The following GDA variants were observed in gnomAD, a reference collection of about 807,000 sequenced individuals.
GDA encodes guanine deaminase, also known as cytoplasmic PSD-95 interactor.
A neutral mutation model predicts 59.6 loss-of-function variants in GDA; 18 were observed. The ratio of observed to expected loss-of-function variants is 0.30; its 90% CI spans 0.21 to 0.45. The LOEUF is 0.45. GDA is among the 20% of genes least tolerant of loss of function. The pLI is 1.00. For missense variants in GDA, 427 were observed against 552.3 expected, an observed-to-expected ratio of 0.77 and a Z score of 2.27; for synonymous variants, 201 against 201.1, an observed-to-expected ratio of 1.00 and a Z score of 0.00.
intron 1 of GDA, among the ~76,000 whole-genome samples, chr9:72,127,334 G>A (rs995043606): frequency 6.6e-6 from 1 of 152,182 alleles, no homozygotes; most frequent in South Asian, 2.1e-4. Flanking sequence ...GAACCAAAAG[G>A]ATCTGAAAGA....
intron 2 of GDA, among the ~76,000 whole-genome samples, chr9:72,196,233 C>T (rs1335969450): frequency 6.6e-6 from 1 of 151,860 alleles, no homozygotes; most frequent in African/African-American, 2.4e-5. Context: ...GTAATCCTAG[C>T]ACTTTGGGAG....
At chr9:72,186,961 C>T (rs1423577395) in intron 1 of GDA, among the ~76,000 whole-genome samples, 1 of 152,194 alleles carries the variant, frequency 6.6e-6, no homozygotes. Flanking sequence ...TCTACCTCTG[C>T]CTGTCTTAAC....
At chr9:72,163,937 G>C (rs1250070049) in intron 1 of GDA, among the ~76,000 whole-genome samples, 1 of 152,172 alleles carries the variant, frequency 6.6e-6, no homozygotes, top group African/African-American at 2.4e-5. Context: ...TTTGTTCCCT[G>C]AGTGCTTTTA....
In GDA at chr9:72,150,268, T is replaced by G. The variant is rs181575823; in HGVS notation, c.123+586T>G. On this transcript the variant is annotated intron_variant, in intron 1 of 13. Transcript: ENST00000358399. ...ACTAGAAGGGATGGTCCGAAAGAAA[T>G]AATTCATCCATCTCTTTTCCTTCCT... Among the ~76,000 whole-genome samples the G allele has an allele frequency of 2.6e-4, 40 of 151,962 alleles. No individual in the cohort carries two copies. The East Asian group carries it at 7.8e-3, about 29-fold the overall frequency.
chr9:72,149,366 G>A, upstream of GDA: 1 of 568,436 alleles, frequency 1.8e-6, no homozygotes, highest in African/African-American at 2.0e-5. Flanking sequence ...AATCCTATTG[G>A]CATTGAGGAG....
chr9:72,218,702 C>T (rs559223500), intron 5 of GDA, among the ~76,000 whole-genome samples: 80 of 152,304 alleles, frequency 5.3e-4, no homozygotes, highest in Non-Finnish European at 1.1e-3. Context: ...CCCAAGAGAA[C>T]TCTACCCTTG....
At chr9:72,211,950 T>A (rs1412541335) in intron 4 of GDA, among the ~76,000 whole-genome samples, 2 of 152,196 alleles carry the variant, frequency 1.3e-5, no homozygotes, top group Admixed American at 6.5e-5. Context: ...AAGATTAATC[T>A]AATGGCCAGT....
chr9:72,229,362 AAAACAAAC>A (rs141650078), intron 9 of GDA, among the ~76,000 whole-genome samples: 4 of 151,906 alleles, frequency 2.6e-5, no homozygotes, highest in East Asian at 1.9e-4. Flanking sequence ...AAAACAAAAC[AAAACAAAC>A]AAACAAACAA....
intron 1 of GDA, among the ~76,000 whole-genome samples, chr9:72,162,325 C>G (rs1204808058): frequency 6.6e-6 from 1 of 152,188 alleles, no homozygotes; most frequent in African/African-American, 2.4e-5. Context: ...GATCAGTATA[C>G]AGTTTCTAAA....
intron 1 of GDA, among the ~76,000 whole-genome samples, chr9:72,137,253 T>TC (rs1457016183): frequency 5.9e-5 from 8 of 134,572 alleles, no homozygotes; most frequent in Non-Finnish European, 9.7e-5. Flanking sequence ...TTTTTTTTTT[T>TC]TTTTTTTTTT....
chr9:72,128,133 T>C (rs1825908285), intron 1 of GDA, among the ~76,000 whole-genome samples: 1 of 152,244 alleles, frequency 6.6e-6, no homozygotes, highest in Non-Finnish European at 1.5e-5. Context: ...AATTATTTCA[T>C]ATCAGGATGA....
chr9:72,237,889 A>G (rs1277557856), intron 10 of GDA, among the ~76,000 whole-genome samples: 1 of 151,914 alleles, frequency 6.6e-6, no homozygotes, highest in Non-Finnish European at 1.5e-5. Context: ...ATTGGTCACT[A>G]CCACCTGATG....
At chr9:72,149,988 T>C (rs1587350243) in intron 1 of GDA, among the ~76,000 whole-genome samples, 1 of 140,636 alleles carries the variant, frequency 7.1e-6, no homozygotes, top group South Asian at 2.6e-4. Context: ...CCGCCCCCCG[T>C]TCCAATCCTA....
At chr9:72,199,875 C>T (rs1278157227) in intron 2 of GDA, among the ~76,000 whole-genome samples, 2 of 152,028 alleles carry the variant, frequency 1.3e-5, no homozygotes, top group African/African-American at 4.8e-5. Context: ...CTTTCTCAGT[C>T]TTACTCCTGA....
chr9:72,119,953 C>T lies in GDA; in HGVS notation c.-100+5120C>T, dbSNP rs545215618. Among the ~76,000 whole-genome samples, 3 of 152,242 alleles carry T rather than the reference C, an allele frequency of 2.0e-5. No homozygotes were observed. The East Asian group carries it at 5.8e-4, about 29-fold the overall frequency. On this transcript the variant is annotated intron_variant, in intron 1 of 13. Coordinates refer to the GDA transcript ENST00000545168. ...TCACATTTCTGTGTAAATTGTGGAA[C>T]CACATCTCTTAGAGCTGACCTTCAA...
Position 72,211,441 on chromosome 9 carries a change from T to C in GDA, c.472+667T>C, listed in dbSNP as rs900949992. 3.3e-5 allele frequency among the ~76,000 whole-genome samples: 5 copies of C among 152,218 alleles called. 1 individual carries two copies. Among genetic ancestry groups the C allele is most frequent in the Non-Finnish European group, 5.9e-5 (4 of 68,034 alleles). ...GGGTTGCACAGCTAGTAAGAAGAGC[T>C]GATTCTGGATTCGGGTTGATGATTC... On this transcript the variant is annotated intron_variant, in intron 4 of 13. Coordinates refer to ENST00000358399, the MANE Select transcript of GDA (RefSeq NM_004293.5).
In GDA at chr9:72,251,608, T is replaced by C. The variant is rs891500013; in HGVS notation, c.*3266T>C. Reference sequence around the variant, plus strand: ...ATAGGCAATGACTTGAAATGGTTTTTAAATTGTATGGATTGTTAAGAATTG... The same window carrying C: ...ATAGGCAATGACTTGAAATGGTTTTCAAATTGTATGGATTGTTAAGAATTG... On this transcript the variant is annotated 3_prime_UTR_variant, in exon 14 of 14. Transcript: ENST00000358399. 2.0e-5 allele frequency: 3 copies of C among 152,288 alleles called. No homozygotes were observed. Among genetic ancestry groups the C allele is most frequent in the Admixed American group, 2.0e-4 (3 of 15,278 alleles). The allele number at this position is 152,288 out of a possible 1,614,324, so 9.4% of individuals were successfully genotyped here. A position where few individuals can be genotyped will look rare whatever the true frequency, so the allele number is the denominator to read the frequency against.
rs1256259683 is a variant in GDA at position 72,118,227 on chromosome 9, G to A, written c.-100+3394G>A. On this transcript the variant is annotated intron_variant, in intron 1 of 13. Coordinates refer to the GDA transcript ENST00000545168. ...GCGGAGCTTGCAGTGAGCTGAGATC[G>A]CACCACTGCACTCCAGCCTGGGCGA... Among the ~76,000 whole-genome samples, 5 of 122,710 alleles carry A rather than the reference G, an allele frequency of 4.1e-5. No individual in the cohort carries two copies. In the Admixed American group the frequency reaches 5.9e-4, roughly 14 times the overall value. 80.5% of individuals were successfully genotyped at this position (122,710 alleles called of 152,430 possible). A position where few individuals can be genotyped will look rare whatever the true frequency, so the allele number is the denominator to read the frequency against.
chr9:72,151,527 G>T (rs1008071973), intron 1 of GDA, among the ~76,000 whole-genome samples: 1 of 151,544 alleles, frequency 6.6e-6, no homozygotes, highest in Non-Finnish European at 1.5e-5. Context: ...ACATTTCAAG[G>T]TTCAAAAAAG....
Sources: allele counts gnomAD v4.1 joint callset (sites outside exome capture counted in the v4.1 genomes callset), GRCh38; gene constraint gnomAD v4.1.1; transcripts MANE v1.5; gene names NCBI Gene and HGNC (gene_info 2026-07-23, HGNC 2026-07-21).